Variants in ADGRL1 observed in about 807,000 individuals in gnomAD.
The protein encoded by ADGRL1 is CIRL-1.
In ADGRL1, 31 loss-of-function variants were observed where a neutral mutation model predicts 148.9. The ratio of observed to expected loss-of-function variants is 0.21; its 90% confidence interval spans 0.16 to 0.28. The LOEUF is 0.28. ADGRL1 is among the 10% of genes least tolerant of loss of function. The pLI is 1.00. For synonymous variants in ADGRL1, 937 were observed against 900.3 expected, an observed-to-expected ratio of 1.04 and a Z score of -0.73; for missense variants, 1,521 against 2,058.8, an observed-to-expected ratio of 0.74 and a Z score of 5.05.
intron 4 of ADGRL1, chr19:14,166,926 G>A: frequency 7.4e-7 from 1 of 1,346,116 alleles, no homozygotes; most frequent in East Asian, 2.3e-5. Context: ...GGGGAGAGAA[G>A]AAGGGGCCGG....
chr19:14,195,564 C>T (rs1172221244), intron 1 of ADGRL1, among the ~76,000 whole-genome samples: 1 of 152,152 alleles, frequency 6.6e-6, no homozygotes, highest in Non-Finnish European at 1.5e-5. Context: ...ACACACAGCC[C>T]TCTGGCTGCA....
At chr19:14,178,361 C>T (rs559037137) in intron 2 of ADGRL1, among the ~76,000 whole-genome samples, 17 of 152,108 alleles carry the variant, frequency 1.1e-4, no homozygotes, top group Admixed American at 7.8e-4. Context: ...ACAAATTAGC[C>T]AGACGTGGTG....
At chr19:14,196,007 G>A (rs1247375236) in intron 1 of ADGRL1, among the ~76,000 whole-genome samples, 1 of 151,966 alleles carries the variant, frequency 6.6e-6, no homozygotes, top group Non-Finnish European at 1.5e-5. Flanking sequence ...AGGTCCTGTG[G>A]CTACTCCTTC....
In ADGRL1 at chr19:14,152,244, G is replaced by A. The variant is rs765581681; in HGVS notation, c.3649+65C>T. 1 of 1,613,684 alleles carries A rather than the reference G, an allele frequency of 6.2e-7. No individual in the cohort carries two copies. Among genetic ancestry groups the A allele is most frequent in the Non-Finnish European group, 8.5e-7 (1 of 1,179,732 alleles). On this transcript the variant is annotated intron_variant, in intron 21 of 22. Coordinates refer to ENST00000361434, the MANE Select transcript of ADGRL1 (RefSeq NM_014921.5). This position sits in a 1 kb window ranked among gnomAD's most constrained non-coding sequence, Gnocchi z 6.1. ...AGTTCTGGGGCACAGAACATCCCAT[G>A]CAGAGGTCCCTTGGGACACAAACCC... is the stretch of plus-strand genomic sequence containing the variant.
At chr19:14,203,843 T>C (rs1227363356) in intron 1 of ADGRL1, among the ~76,000 whole-genome samples, 1 of 151,540 alleles carries the variant, frequency 6.6e-6, no homozygotes, top group Non-Finnish European at 1.5e-5. Flanking sequence ...GAAGTGGGGA[T>C]TGAGATGGGC....
chr19:14,185,240 C>T (rs577395994), intron 1 of ADGRL1, among the ~76,000 whole-genome samples: 2 of 152,190 alleles, frequency 1.3e-5, no homozygotes, highest in Non-Finnish European at 2.9e-5. Flanking sequence ...GGTGTGGTCC[C>T]AGCACACTGG....
rs1053215356 is a variant in ADGRL1, at chr19:14,153,238, G to T, written c.3295-326C>A. 2.0e-5 allele frequency among the ~76,000 whole-genome samples: 3 copies of T among 152,116 alleles called. No homozygotes were observed. The East Asian group carries it at 5.8e-4, about 29-fold the overall frequency. On this transcript the variant is annotated intron_variant, in intron 18 of 22. Transcript: ENST00000361434. ...AGGCACAATTTAGGCCTCAGGGAAG[G>T]TATGGAACACAACAGACACAAATCC...
Position 14,159,705 on chromosome 19 carries a change from G to A in ADGRL1, c.1839+30C>T. On this transcript the variant is annotated intron_variant, in intron 9 of 22. Transcript: ENST00000361434. The surrounding 1 kb of genome is among the most constrained non-coding windows in gnomAD (Gnocchi z 6.0). ...ATCCCCCCATCAGCTGGAGCCCACG[G>A]TCCTTACACTGGGACCCCCTGGGTC... 1.9e-6 allele frequency: 3 copies of A among 1,611,638 alleles called. No homozygotes were observed. Among genetic ancestry groups the A allele is most frequent in the Non-Finnish European group, 2.5e-6 (3 of 1,177,976 alleles).
rs1968477070 is a variant in ADGRL1, at chr19:14,153,968, A to C, written c.3295-1056T>G. ...AAATAATAATGATAATAAAAAAAAAACCTAAAAAAATAAATAGATCAGAGG... is the reference window on the plus strand; with the variant it reads ...AAATAATAATGATAATAAAAAAAAACCCTAAAAAAATAAATAGATCAGAGG... On this transcript the variant is annotated intron_variant, in intron 18 of 22. Transcript: ENST00000361434. 4.6e-5 allele frequency among the ~76,000 whole-genome samples: 7 copies of C among 151,636 alleles called. No individual in the cohort carries two copies. In the South Asian group the frequency reaches 1.3e-3, roughly 27 times the overall value.
At chr19:14,195,378 G>A (rs559158867) in intron 1 of ADGRL1, among the ~76,000 whole-genome samples, 1 of 151,938 alleles carries the variant, frequency 6.6e-6, no homozygotes, top group African/African-American at 2.4e-5. Context: ...CGGCTGCTGG[G>A]GGAGAGGGGG....
At chr19:14,179,128 G>A (rs891723554) in intron 2 of ADGRL1, among the ~76,000 whole-genome samples, 1 of 152,042 alleles carries the variant, frequency 6.6e-6, no homozygotes, top group African/African-American at 2.4e-5. Context: ...AGATTGCAGT[G>A]AGCCCAGATC....
chr19:14,156,747 G>GTA, intron 15 of ADGRL1, 23 bp from the exon 16 acceptor site: 2 of 1,600,710 alleles, frequency 1.2e-6, no homozygotes, highest in Non-Finnish European at 1.7e-6. Flanking sequence ...CAGGGCCGGG[G>GTA]TATAGAGAGA....
Position 14,183,598 on chromosome 19 carries a change from G to A in ADGRL1, c.5C>T (p.Ala2Val). ...ATTCCAGAGCACTGCGGCTAGGCGG[G>A]CCATGGTGGCAGCCGGGTGCGTGTC... Reference protein sequence around the residue: MARLAAVLWNLC... With the variant: MVRLAAVLWNLC... The change falls in exon 2 of 23, where the codon GCC (alanine) becomes GTC (valine). Residue 2 changes from alanine to valine, a missense_variant. This residue lies in a region of ADGRL1 where 334 missense variants were observed against 512.5 expected (regional missense o/e 0.65). Transcript: ENST00000361434. 1.9e-6 allele frequency: 3 copies of A among 1,575,576 alleles called. No homozygotes were observed. Among genetic ancestry groups the A allele is most frequent in the Non-Finnish European group, 2.6e-6 (3 of 1,160,252 alleles).
In ADGRL1 at chr19:14,152,009, G is replaced by A; in HGVS notation, c.3667+124C>T. 2 of 878,212 alleles carry A rather than the reference G, an allele frequency of 2.3e-6. No individual in the cohort carries two copies. Among genetic ancestry groups the A allele is most frequent in the East Asian group, 2.5e-5 (1 of 39,678 alleles). 54.4% of individuals were successfully genotyped at this position (878,212 alleles called of 1,614,324 possible). A position where few individuals can be genotyped will look rare whatever the true frequency, so the allele number is the denominator to read the frequency against. Reference sequence around the variant, plus strand: ...GGCTGCCAGAGGCTGTGTGTCGGGGGGTGGGGAAATGTGGGCATGGGGAGG... The same window carrying A: ...GGCTGCCAGAGGCTGTGTGTCGGGGAGTGGGGAAATGTGGGCATGGGGAGG... On this transcript the variant is annotated intron_variant, in intron 22 of 22. Coordinates refer to ENST00000361434, the MANE Select transcript of ADGRL1 (RefSeq NM_014921.5). This position sits in a 1 kb window ranked among gnomAD's most constrained non-coding sequence, Gnocchi z 6.1.
intron 1 of ADGRL1, among the ~76,000 whole-genome samples, chr19:14,189,352 CTGGGACTATAG>C (rs1172102324): frequency 6.6e-6 from 1 of 152,028 alleles, no homozygotes; most frequent in Non-Finnish European, 1.5e-5. Context: ...TCCTGAGTAG[CTGGGACTATAG>C]TCACATGACT....
chr19:14,170,591 T>C (rs927306591), intron 4 of ADGRL1, 91 bp downstream of exon 4: 2 of 733,630 alleles, frequency 2.7e-6, no homozygotes, highest in South Asian at 3.2e-5. Context: ...GCCCCATGCA[T>C]GTGTGCACAT....
At chr19:14,158,582 C>T (rs112789842) in intron 11 of ADGRL1, 30 bp from the exon 12 acceptor site, 1 of 1,553,152 alleles carries the variant, frequency 6.4e-7, no homozygotes, top group Non-Finnish European at 8.9e-7. Context: ...TTGGATGTGT[C>T]AGCATCCTCA....
Position 14,161,977 on chromosome 19 carries a change from C to T in ADGRL1, c.1196-351G>A, listed in dbSNP as rs1186875578. ...AGCCCTCCCCAATCCAGGTCAGCCCCGCCACCAGGTGGGGGCTGAATACCA... is the reference window on the plus strand; with the variant it reads ...AGCCCTCCCCAATCCAGGTCAGCCCTGCCACCAGGTGGGGGCTGAATACCA... On this transcript the variant is annotated intron_variant, in intron 5 of 22. Transcript: ENST00000361434. The surrounding 1 kb of genome is among the most constrained non-coding windows in gnomAD (Gnocchi z 4.4). Among the ~76,000 whole-genome samples the T allele has an allele frequency of 4.6e-5, 7 of 152,158 alleles. No individual in the cohort carries two copies. Among genetic ancestry groups the T allele is most frequent in the Admixed American group, 6.5e-5 (1 of 15,284 alleles).
intron 3 of ADGRL1, among the ~76,000 whole-genome samples, chr19:14,176,783 G>C (rs1334019764): frequency 6.6e-6 from 1 of 151,906 alleles, no homozygotes; most frequent in Admixed American, 6.6e-5. Context: ...CAGCTGCAGT[G>C]AGCTGTGATT....
Sources: gnomAD v4.1 joint callset for allele counts (sites outside exome capture counted in the v4.1 genomes callset) on GRCh38, gnomAD v4.1.1 for gene constraint, gnomAD v4.1.1 regional missense constraint, Gnocchi (gnomAD v3.1) non-coding constraint, MANE v1.5 for transcripts, NCBI Gene and HGNC (gene_info 2026-07-23, HGNC 2026-07-21) for gene names.